The following ERCC6L2 variants were observed in gnomAD, a reference collection of about 807,000 sequenced individuals.
The protein encoded by ERCC6L2 is DNA excision repair protein ERCC-6-like 2.
ERCC6L2 carries 77 observed loss-of-function variants against 132.0 expected under a neutral mutation model. The ratio of observed to expected loss-of-function variants is 0.58; its 90% CI spans 0.49 to 0.71. The LOEUF is 0.71. Ranked by LOEUF, ERCC6L2 falls within the 30% of genes least tolerant of loss-of-function variation. The probability of loss-of-function intolerance (pLI) is 0.00; values close to 1 mark genes in which losing one functional copy is unlikely to be tolerated. For synonymous variants in ERCC6L2, 583 were observed against 632.4 expected, an observed-to-expected ratio of 0.92 and a Z score of 1.17; for missense variants, 1,542 against 1,837.6, an observed-to-expected ratio of 0.84 and a Z score of 2.94.
At position 96,014,525 on chromosome 9, in the gene ERCC6L2, G is replaced by A. The variant is rs1018657588; in HGVS notation, c.*1322G>A. On this transcript the variant is annotated 3_prime_UTR_variant, in exon 19 of 19. Coordinates refer to ENST00000653738, the MANE Select transcript of ERCC6L2 (RefSeq NM_020207.7). Reference sequence around the variant, plus strand: ...GTCATGACTCAGTACATATGTGTTCGTACATATATGATTGGAATAAAATGT... The same window carrying A: ...GTCATGACTCAGTACATATGTGTTCATACATATATGATTGGAATAAAATGT... 9 of 152,228 alleles carry A rather than the reference G, an allele frequency of 5.9e-5. No homozygotes were observed. The highest frequency in any genetic ancestry group is 1.9e-4 in the East Asian group (1 of 5,186). The allele number at this position is 152,228 out of a possible 1,614,324, so 9.4% of individuals were successfully genotyped here. A position where few individuals can be genotyped will look rare whatever the true frequency, so the allele number is the denominator to read the frequency against.
In ERCC6L2 at chr9:96,016,540, A is replaced by G. The variant is rs1375993336; in HGVS notation, c.*3337A>G. Reference sequence around the variant, plus strand: ...TTACAGCCCTGAAAACACCTCTTCAAGGAAATAAATAACATCTGCAAATGG... The same window carrying G: ...TTACAGCCCTGAAAACACCTCTTCAGGGAAATAAATAACATCTGCAAATGG... On this transcript the variant is annotated 3_prime_UTR_variant, in exon 19 of 19. Transcript: ENST00000653738. Among the ~76,000 whole-genome samples, 1 of 152,234 alleles carries G rather than the reference A, an allele frequency of 6.6e-6. No homozygotes were observed. Among genetic ancestry groups the G allele is most frequent in the African/African-American group, 2.4e-5 (1 of 41,462 alleles).
At chr9:96,021,462 G>A (rs1199393871), downstream of ERCC6L2, 7 of 202,596 alleles carry the variant, frequency 3.5e-5, no homozygotes, top group Admixed American at 2.2e-4. The surrounding 1 kb of genome is among the most constrained non-coding windows in gnomAD (Gnocchi z 4.7). Flanking sequence ...AGCCCTCTGC[G>A]GGGTCCGCCC....
At chr9:95,958,915 A>G (rs10739784) in intron 13 of ERCC6L2, among the ~76,000 whole-genome samples, 98,946 of 149,640 alleles carry the variant, frequency 0.66, 33,671 homozygotes, top group African/African-American at 0.82. Context: ...ATGCTCACGG[A>G]TAGGAAGAAT....
chr9:95,949,525 C>T (rs1831228800), intron 12 of ERCC6L2, among the ~76,000 whole-genome samples: 1 of 151,812 alleles, frequency 6.6e-6, no homozygotes, highest in Non-Finnish European at 1.5e-5. Flanking sequence ...CTTTGCAATC[C>T]AGAAGGCAGT....
chr9:95,955,882 G>T, intron 12 of ERCC6L2, 32 bp from the exon 13 acceptor site: 1 of 1,414,466 alleles, frequency 7.1e-7, no homozygotes. Flanking sequence ...TGCTTCACTT[G>T]ATTTTTGTTT....
rs1313127444 is a variant in ERCC6L2, at chr9:95,972,706, C to A, written c.2955C>A (p.Asp985Glu). ...GTGATATCAGTGATGAATCTGATGACATTGAAATTTCTTCCAAGTCAAGAG... is the reference window on the plus strand; with the variant it reads ...GTGATATCAGTGATGAATCTGATGAAATTGAAATTTCTTCCAAGTCAAGAG... ...GTSDISDESD[D>E]IEISSKSRVR... Residue 985 changes from aspartate (D) to glutamate (E), a missense_variant, in exon 16 of 19, where the codon GAC becomes GAA. By Grantham distance (45) the Asp-to-Glu change is conservative. Coordinates refer to ENST00000653738, the MANE Select transcript of ERCC6L2 (RefSeq NM_020207.7). The A allele has an allele frequency of 1.5e-6, 2 of 1,301,822 alleles. No homozygotes were observed. The highest frequency in any genetic ancestry group is 2.0e-6 in the Non-Finnish European group (2 of 988,840). 80.6% of individuals were successfully genotyped at this position (1,301,822 alleles called of 1,614,324 possible).
At chr9:95,971,149 G>A (rs1028421501) in intron 15 of ERCC6L2, among the ~76,000 whole-genome samples, 1 of 152,052 alleles carries the variant, frequency 6.6e-6, no homozygotes, top group Non-Finnish European at 1.5e-5. Flanking sequence ...AAAAACATGT[G>A]TGGAAGGTTT....
At chr9:96,009,930 C>T in intron 18 of ERCC6L2, among the ~76,000 whole-genome samples, 1 of 152,170 alleles carries the variant, frequency 6.6e-6, no homozygotes, top group East Asian at 1.9e-4. Context: ...TTGGCAGTTG[C>T]TGAGACACCA....
intron 4 of ERCC6L2, among the ~76,000 whole-genome samples, chr9:95,914,833 A>G (rs1052226783): frequency 6.6e-6 from 1 of 152,176 alleles, no homozygotes; most frequent in African/African-American, 2.4e-5. Flanking sequence ...TTTGTGTCAT[A>G]TCTAAGAAAT....
chr9:95,959,221 C>T (rs1254708320), intron 13 of ERCC6L2, among the ~76,000 whole-genome samples: 257 of 147,846 alleles, frequency 1.7e-3, no homozygotes, highest in Non-Finnish European at 2.8e-3. Context: ...TCAGAAATAA[C>T]GCCGCATATC....
At chr9:95,893,281 T>C (rs1179158204) in intron 2 of ERCC6L2, among the ~76,000 whole-genome samples, 1 of 152,234 alleles carries the variant, frequency 6.6e-6, no homozygotes, top group Non-Finnish European at 1.5e-5. Context: ...GTCAAACTTA[T>C]ATTTGCAGAA....
chr9:95,984,944 T>TC (rs1244098285), intron 17 of ERCC6L2, among the ~76,000 whole-genome samples: 1 of 151,850 alleles, frequency 6.6e-6, no homozygotes, highest in African/African-American at 2.4e-5. Context: ...GGGAATGATC[T>TC]CTTTCTCTCA....
intron 1 of ERCC6L2, among the ~76,000 whole-genome samples, chr9:95,879,663 A>G (rs763778277): frequency 6.6e-6 from 1 of 152,180 alleles, no homozygotes; most frequent in Non-Finnish European, 1.5e-5. Context: ...CTCTGTACTC[A>G]TTATTGTTAT....
In ERCC6L2 at chr9:95,970,629, G is replaced by C; in HGVS notation, c.2154G>C (p.Glu718Asp). 1 of 1,303,528 alleles carries C rather than the reference G, an allele frequency of 7.7e-7. No individual in the cohort carries two copies. Among genetic ancestry groups the C allele is most frequent in the Non-Finnish European group, 1.0e-6 (1 of 988,480 alleles). 80.7% of individuals were successfully genotyped at this position (1,303,528 alleles called of 1,614,324 possible). The change falls in exon 15 of 19, where the codon GAG becomes GAC. Residue 718 changes from glutamate (E) to aspartate (D), a missense_variant. Transcript: ENST00000653738. ...GIMTATTWLKEGPPAHKLEMP... is the reference protein window; with the variant it reads ...GIMTATTWLKDGPPAHKLEMP... ...TGACAGCCACAACATGGTTGAAAGA[G>C]GGACCTCCAGCACACAAACTGGAAA...
At chr9:95,909,277 T>G (rs1418399768) in intron 4 of ERCC6L2, among the ~76,000 whole-genome samples, 2 of 152,174 alleles carry the variant, frequency 1.3e-5, no homozygotes, top group Non-Finnish European at 2.9e-5. Flanking sequence ...TTATGACCCT[T>G]TAAAATGTAA....
At chr9:95,901,704 C>G (rs952561389) in intron 3 of ERCC6L2, among the ~76,000 whole-genome samples, 6 of 152,182 alleles carry the variant, frequency 3.9e-5, no homozygotes, top group African/African-American at 1.4e-4. Context: ...TACTGCCCTT[C>G]CAGGCATTCT....
chr9:96,007,918 G>T (rs777054908), intron 18 of ERCC6L2, among the ~76,000 whole-genome samples: 75 of 152,172 alleles, frequency 4.9e-4, no homozygotes, highest in Admixed American at 3.5e-3. Context: ...GCGACTCCCA[G>T]GCAGCTGGTT....
chr9:95,967,820 C>T (rs1026464002), intron 14 of ERCC6L2: 1 of 152,024 alleles, frequency 6.6e-6, no homozygotes, highest in East Asian at 1.9e-4. Context: ...TCCAGTTTCC[C>T]TTTTCATATC....
At chr9:95,879,020 A>G (rs1487899947) in intron 1 of ERCC6L2, among the ~76,000 whole-genome samples, 2 of 152,050 alleles carry the variant, frequency 1.3e-5, no homozygotes, top group Non-Finnish European at 2.9e-5. Flanking sequence ...GTATATACCC[A>G]GTAATGGGAT....
Sources: gnomAD v4.1 joint callset for allele counts (sites outside exome capture counted in the v4.1 genomes callset) on GRCh38, gnomAD v4.1.1 for gene constraint, Gnocchi (gnomAD v3.1) non-coding constraint, MANE v1.5 for transcripts, NCBI Gene and HGNC (gene_info 2026-07-23, HGNC 2026-07-21) for gene names.